The following SHISA6 variants were observed in gnomAD, a reference collection of about 807,000 sequenced individuals.
SHISA6 encodes the protein protein shisa-6.
Under a neutral mutation model 47.9 loss-of-function variants are expected in SHISA6, and 22 were observed. The observed-to-expected ratio is 0.46, with a 90% confidence interval of 0.33 to 0.66. The LOEUF (loss-of-function observed/expected upper bound fraction) is 0.66. Among genes scored for constraint, SHISA6 ranks in the 30% least tolerant of loss-of-function variants. The probability of loss-of-function intolerance (pLI) is 0.02; values close to 1 mark genes in which losing one functional copy is unlikely to be tolerated. For missense variants in SHISA6, 680 were observed against 764.6 expected (o/e 0.89, Z 1.30); for synonymous variants, 388 against 337.8 (o/e 1.15, Z -1.63).
intron 3 of SHISA6, chr17:11,380,513 A>G (rs1244161647): frequency 1.3e-5 from 2 of 152,194 alleles, no homozygotes; most frequent in South Asian, 2.1e-4. Context: ...GAGACCAGCT[A>G]TCTCCAGAAT....
chr17:11,413,328 G>C (rs1914189563), intron 3 of SHISA6, among the ~76,000 whole-genome samples: 1 of 152,316 alleles, frequency 6.6e-6, no homozygotes, highest in Non-Finnish European at 1.5e-5. Context: ...CTGCCCTATA[G>C]AACAAGATGT....
At chr17:11,263,286 A>G (rs1024871856) in intron 1 of SHISA6, 80 bp from the exon 2 acceptor site, 14 of 1,401,182 alleles carry the variant, frequency 1.0e-5, no homozygotes, top group Non-Finnish European at 1.4e-5. Flanking sequence ...ATCAAAGGGC[A>G]TATGAAAGTA....
chr17:11,432,464 G>T (rs1480992621), intron 3 of SHISA6, among the ~76,000 whole-genome samples: 1 of 152,166 alleles, frequency 6.6e-6, no homozygotes, highest in Non-Finnish European at 1.5e-5. Context: ...AAACCCTAGG[G>T]CCACTGCATC....
intron 1 of SHISA6, among the ~76,000 whole-genome samples, chr17:11,243,017 A>G (rs1400862310): frequency 6.6e-6 from 1 of 151,964 alleles, no homozygotes; most frequent in Non-Finnish European, 1.5e-5. Flanking sequence ...ACATGGTGCA[A>G]GAGTCCTCTC....
At chr17:11,512,933 T>A (rs2071553148) in intron 3 of SHISA6, among the ~76,000 whole-genome samples, 1 of 152,084 alleles carries the variant, frequency 6.6e-6, no homozygotes, top group African/African-American at 2.4e-5. Context: ...TTTGGTATTA[T>A]CCACAATTTT....
intron 3 of SHISA6, among the ~76,000 whole-genome samples, chr17:11,530,291 A>G (rs772422816): frequency 7.9e-5 from 12 of 152,288 alleles, no homozygotes; most frequent in Non-Finnish European, 1.6e-4. Context: ...ACAAGTTACA[A>G]TGTATTGATG....
intron 3 of SHISA6, among the ~76,000 whole-genome samples, chr17:11,428,779 CTTTTT>C (rs34920362): frequency 1.0e-5 from 1 of 96,060 alleles, no homozygotes; most frequent in African/African-American, 4.3e-5. Flanking sequence ...GATCCACTTT[CTTTTT>C]TTTTTTTTTT....
intron 1 of SHISA6, among the ~76,000 whole-genome samples, chr17:11,251,667 C>A (rs1314756470): frequency 6.6e-6 from 1 of 152,208 alleles, no homozygotes; most frequent in Admixed American, 6.5e-5. Context: ...ATGCAAGACA[C>A]AGCACTTTAG....
At chr17:11,424,617 C>G (rs1363429257) in intron 3 of SHISA6, among the ~76,000 whole-genome samples, 1 of 152,070 alleles carries the variant, frequency 6.6e-6, no homozygotes, top group Non-Finnish European at 1.5e-5. Flanking sequence ...TACAACCACA[C>G]TTAAGATGGT....
At chr17:11,370,522 G>A (rs770755204) in intron 2 of SHISA6, among the ~76,000 whole-genome samples, 3 of 152,300 alleles carry the variant, frequency 2.0e-5, no homozygotes, top group South Asian at 2.1e-4. Context: ...TAGTTGAATC[G>A]AAAGAGGTTC....
intron 3 of SHISA6, among the ~76,000 whole-genome samples, chr17:11,465,816 G>A (rs140565365): frequency 1.7e-4 from 26 of 152,292 alleles, no homozygotes; most frequent in African/African-American, 5.5e-4. Flanking sequence ...AACTGCATCT[G>A]TCCCGGGAGC....
intron 3 of SHISA6, among the ~76,000 whole-genome samples, chr17:11,527,965 G>A (rs1463481513): frequency 1.3e-5 from 2 of 152,134 alleles, no homozygotes; most frequent in Non-Finnish European, 2.9e-5. Context: ...CTATCAACCA[G>A]TCTGTTCTCT....
At chr17:11,332,219 A>G (rs1366025536) in intron 2 of SHISA6, among the ~76,000 whole-genome samples, 3 of 145,572 alleles carry the variant, frequency 2.1e-5, no homozygotes, top group Non-Finnish European at 4.5e-5. Flanking sequence ...ATTGGCGCAA[A>G]GAGACAGAAG....
At chr17:11,475,866 C>T (rs761952108) in intron 3 of SHISA6, among the ~76,000 whole-genome samples, 20 of 151,952 alleles carry the variant, frequency 1.3e-4, no homozygotes, top group Non-Finnish European at 4.4e-5. Flanking sequence ...TTTCTATAAT[C>T]TCTTCCTTAA....
At chr17:11,260,340 A>G (rs1005276273) in intron 1 of SHISA6, among the ~76,000 whole-genome samples, 2 of 151,998 alleles carry the variant, frequency 1.3e-5, no homozygotes, top group African/African-American at 4.8e-5. Flanking sequence ...TGGGTGGGGG[A>G]TGGTTGGAAG....
intron 1 of SHISA6, among the ~76,000 whole-genome samples, chr17:11,255,632 C>T (rs546998232): frequency 3.9e-5 from 6 of 152,218 alleles, no homozygotes; most frequent in Admixed American, 6.5e-5. Context: ...TCAGCAGAAA[C>T]GGGTGTGTGG....
intron 1 of SHISA6, among the ~76,000 whole-genome samples, chr17:11,245,909 T>C (rs1250340544): frequency 1.3e-5 from 2 of 152,166 alleles, no homozygotes; most frequent in African/African-American, 4.8e-5. Context: ...CCTCCAGAAA[T>C]TAATTAGAAA....
intron 3 of SHISA6, among the ~76,000 whole-genome samples, chr17:11,388,647 C>T (rs767086759): frequency 6.6e-6 from 1 of 151,230 alleles, no homozygotes; most frequent in Non-Finnish European, 1.5e-5. Flanking sequence ...TCTGCGGCAT[C>T]GGTGTGATTC....
chr17:11,511,511 C>G (rs916654655), intron 3 of SHISA6, among the ~76,000 whole-genome samples: 4 of 149,786 alleles, frequency 2.7e-5, no homozygotes, highest in Non-Finnish European at 4.5e-5. Flanking sequence ...CACAAAAAAA[C>G]AGTAGAAAAA....
Sources: allele counts gnomAD v4.1 joint callset (sites outside exome capture counted in the v4.1 genomes callset), GRCh38; gene constraint gnomAD v4.1.1; transcripts MANE v1.5; gene names NCBI Gene and HGNC (gene_info 2026-07-23, HGNC 2026-07-21).